The following IL1RN variants were observed in gnomAD, a reference collection of about 807,000 sequenced individuals.
IL1RN encodes interleukin 1 receptor antagonist.
Under a neutral mutation model 13.7 loss-of-function variants are expected in IL1RN, and 10 were observed. The ratio of observed to expected loss-of-function variants is 0.73; its 90% CI spans 0.45 to 1.24. The LOEUF (loss-of-function observed/expected upper bound fraction) is 1.24, where lower values mean the gene tolerates loss of function less well. Ranked by LOEUF, IL1RN falls within the 50% of genes most tolerant of loss-of-function variation. IL1RN has a pLI of 0.00. For missense variants in IL1RN, 213 were observed against 222.1 expected, an observed-to-expected ratio of 0.96 and a Z score of 0.26; for synonymous variants, 102 against 82.7, an observed-to-expected ratio of 1.23 and a Z score of -1.27.
chr2:113,101,103 G>A, the IL1RN span, among the ~76,000 whole-genome samples: 4 of 152,310 alleles, frequency 2.6e-5, no homozygotes, highest in East Asian at 7.7e-4. Context: ...GAGTCTCTAA[G>A]AGTAGTGACT....
upstream of IL1RN, among the ~76,000 whole-genome samples, chr2:113,127,050 G>T (rs893035182): frequency 7.2e-5 from 11 of 152,212 alleles, no homozygotes; most frequent in African/African-American, 2.4e-4. Flanking sequence ...TTTATGGATT[G>T]CCAACGTCCT....
intron 1 of IL1RN, chr2:113,118,049 T>C (rs987737703): frequency 6.2e-7 from 1 of 1,612,092 alleles, no homozygotes; most frequent in Non-Finnish European, 8.5e-7. Context: ...TCCACTCTCA[T>C]TTTTTCACCT....
upstream of IL1RN, among the ~76,000 whole-genome samples, chr2:113,116,392 A>G (rs1686592956): frequency 6.6e-6 from 1 of 151,856 alleles, no homozygotes; most frequent in Non-Finnish European, 1.5e-5. Context: ...TTTCCAGCCA[A>G]ACCTTACACA....
chr2:113,121,048 T>C (rs13011389), intron 2 of IL1RN, among the ~76,000 whole-genome samples: 21,802 of 56,988 alleles, frequency 0.38, 2,102 homozygotes, highest in East Asian at 0.65. Context: ...CTTCTTCCTC[T>C]TCTTCTTCTT....
chr2:113,117,807 T>A, upstream of IL1RN: 16 of 631,580 alleles, frequency 2.5e-5, no homozygotes, highest in South Asian at 3.0e-4. Flanking sequence ...AGCCGGCCCA[T>A]CTCCTCATGC....
At chr2:113,127,327 G>A, upstream of IL1RN, 1 of 368,480 alleles carries the variant, frequency 2.7e-6, no homozygotes, top group Non-Finnish European at 3.8e-6. Flanking sequence ...AGGGAGTTTG[G>A]TTTCCATTGT....
At chr2:113,102,787 C>T (rs1007893133), upstream of IL1RN, among the ~76,000 whole-genome samples, 3 of 152,130 alleles carry the variant, frequency 2.0e-5, no homozygotes, top group African/African-American at 4.8e-5. Context: ...CAAGGTTAAT[C>T]GCTCAGTTAA....
rs1687106169 is a variant in IL1RN at position 113,130,039 on chromosome 2, A to G, written c.205+375A>G. 4 of 284,630 alleles carry G rather than the reference A, an allele frequency of 1.4e-5. No homozygotes were observed. In the South Asian group the frequency reaches 1.5e-4, roughly 11 times the overall value. 17.6% of individuals were successfully genotyped at this position (284,630 alleles called of 1,614,324 possible). ...ATCCCAAATTAATCCACCATGTATA[A>G]GGTTGAGCTATGTCTCTTATTCCTG... On this transcript the variant is annotated intron_variant, in intron 2 of 3. Transcript: ENST00000409930.
In IL1RN at chr2:113,133,279, C is replaced by CA. The variant is rs1395400714; in HGVS notation, c.*414dup. On this transcript the variant is annotated 3_prime_UTR_variant, in exon 4 of 4. Transcript: ENST00000409930. ...CAAGTGGCTCCCACACCCTGTTTTA[C>CA]AAAAAAGAAAAGACCAGTCCATGAG... 2 of 276,590 alleles carry CA rather than the reference C, an allele frequency of 7.2e-6. No individual in the cohort carries two copies. Among genetic ancestry groups the CA allele is most frequent in the African/African-American group, 4.4e-5 (2 of 45,744 alleles). 17.1% of individuals were successfully genotyped at this position (276,590 alleles called of 1,614,324 possible).
chr2:113,102,620 G>A (rs1415780753), upstream of IL1RN, among the ~76,000 whole-genome samples: 1 of 152,136 alleles, frequency 6.6e-6, no homozygotes, highest in African/African-American at 2.4e-5. Flanking sequence ...GGCTGAGTCT[G>A]AAAGAGAGTC....
At chr2:113,121,110 C>T (rs1479535591) in intron 2 of IL1RN, among the ~76,000 whole-genome samples, 1 of 144,026 alleles carries the variant, frequency 6.9e-6, no homozygotes, top group Non-Finnish European at 1.5e-5. Flanking sequence ...TCCTCTTCCT[C>T]TTCTTCCTCT....
At chr2:113,121,021 C>CTCCTCTTCT (rs1553468922) in intron 2 of IL1RN, among the ~76,000 whole-genome samples, 1 of 138,490 alleles carries the variant, frequency 7.2e-6, no homozygotes, top group African/African-American at 2.7e-5. Context: ...CCTCCTTCTC[C>CTCCTCTTCT]TCTTCTTCTT....
At chr2:113,118,112 G>T in intron 1 of IL1RN, 1 of 1,607,486 alleles carries the variant, frequency 6.2e-7, no homozygotes, top group African/African-American at 1.3e-5. Flanking sequence ...ATGCTTTCAG[G>T]CTCTGGTGAG....
chr2:113,103,511 C>A (rs1230751746), upstream of IL1RN, among the ~76,000 whole-genome samples: 2 of 152,090 alleles, frequency 1.3e-5, no homozygotes, highest in Non-Finnish European at 2.9e-5. Context: ...ATGTGGGTGG[C>A]CTCTAGCAGC....
upstream of IL1RN, among the ~76,000 whole-genome samples, chr2:113,125,934 G>C (rs1686940110): frequency 6.6e-6 from 1 of 152,182 alleles, no homozygotes; most frequent in African/African-American, 2.4e-5. Flanking sequence ...GAGTAGCTGG[G>C]ATTACAGGCA....
upstream of IL1RN, chr2:113,127,440 C>G: frequency 9.4e-6 from 13 of 1,389,848 alleles, no homozygotes; most frequent in Non-Finnish European, 1.2e-5. Flanking sequence ...CACTCCATTG[C>G]GACACTTAGT....
upstream of IL1RN, among the ~76,000 whole-genome samples, chr2:113,113,841 A>G (rs1423666758): frequency 6.6e-6 from 1 of 152,236 alleles, no homozygotes; most frequent in Non-Finnish European, 1.5e-5. Context: ...AACCTCACAC[A>G]TGCATTACTG....
At chr2:113,111,636 A>T (rs77853995) in intron 1 of IL1RN, among the ~76,000 whole-genome samples, 1 of 152,340 alleles carries the variant, frequency 6.6e-6, no homozygotes. Flanking sequence ...CTCCCTTGCC[A>T]GTGCCACCCT....
intron 1 of IL1RN, chr2:113,111,296 G>A (rs1686489763): frequency 6.6e-6 from 1 of 152,178 alleles, no homozygotes; most frequent in Admixed American, 6.5e-5. Context: ...GGGTAAATGA[G>A]AAGTTAAGAT....
Sources: allele counts gnomAD v4.1 joint callset (sites outside exome capture counted in the v4.1 genomes callset), GRCh38; gene constraint gnomAD v4.1.1; transcripts MANE v1.5; gene names NCBI Gene and HGNC (gene_info 2026-07-23, HGNC 2026-07-21).